Variants in PTK2 observed in about 807,000 individuals in gnomAD.
PTK2 encodes the protein focal adhesion kinase 1.
PTK2 carries 45 observed loss-of-function variants against 150.1 expected under a neutral mutation model. That is an observed-to-expected ratio of 0.30 (90% confidence interval 0.24 to 0.38). PTK2 has a LOEUF of 0.38. Ranked by LOEUF, PTK2 falls within the 10% of genes least tolerant of loss-of-function variation. The pLI is 1.00. For missense variants in PTK2, 919 were observed against 1,307.3 expected (o/e 0.70, Z 4.58); for synonymous variants, 432 against 449.2 (o/e 0.96, Z 0.48).
chr8:140,785,068 T>C (rs547195415), intron 14 of PTK2, among the ~76,000 whole-genome samples: 1 of 152,324 alleles, frequency 6.6e-6, no homozygotes, highest in South Asian at 2.1e-4. Flanking sequence ...TTCTGTTGGT[T>C]ATCCTCTCTA....
intron 24 of PTK2, 88 bp from the exon 28 acceptor site, chr8:140,702,795 G>A: frequency 1.4e-6 from 2 of 1,406,246 alleles, no homozygotes; most frequent in Non-Finnish European, 1.9e-6. Flanking sequence ...AAATTACAGA[G>A]AATATTGTGG....
intron 1 of PTK2, among the ~76,000 whole-genome samples, chr8:140,981,268 G>A (rs554028874): frequency 4.6e-5 from 7 of 152,120 alleles, no homozygotes; most frequent in Non-Finnish European, 7.4e-5. Flanking sequence ...AACAGTAACA[G>A]ATGGTGAAAA....
At chr8:140,805,537 C>CAA (rs1307086974) in intron 10 of PTK2, among the ~76,000 whole-genome samples, 1 of 132,716 alleles carries the variant, frequency 7.5e-6, no homozygotes, top group Non-Finnish European at 1.6e-5. Context: ...CTGCACAGAG[C>CAA]AAAACTCTGT....
chr8:140,797,422 TTG>T (rs2154592134), intron 12 of PTK2, among the ~76,000 whole-genome samples: 1 of 152,356 alleles, frequency 6.6e-6, no homozygotes, highest in East Asian at 1.9e-4. Flanking sequence ...AATTATGTAA[TTG>T]TGTCGCTTCA....
rs548945172 is a variant in PTK2 at position 140,740,416 on chromosome 8, G to A, written c.1736-1309C>T. On this transcript the variant is annotated intron_variant, in intron 20 of 31. Transcript: ENST00000522684. ...CCTGATTCAGAAGAGCATGGAGCAT[G>A]AGCGGCTGGGCTCTGCCAGCATGTC... Among the ~76,000 whole-genome samples, 4 of 152,308 alleles carry A rather than the reference G, an allele frequency of 2.6e-5. No individual in the cohort carries two copies. In the South Asian group the frequency reaches 8.3e-4, roughly 32 times the overall value.
intron 4 of PTK2, among the ~76,000 whole-genome samples, chr8:140,867,399 G>A (rs1052149683): frequency 2.6e-5 from 4 of 152,130 alleles, no homozygotes; most frequent in Admixed American, 2.6e-4. Flanking sequence ...TTTAGAGGTA[G>A]GCATGGGATT....
intron 12 of PTK2, among the ~76,000 whole-genome samples, chr8:140,794,819 C>T (rs1437578391): frequency 2.0e-5 from 3 of 152,182 alleles, no homozygotes; most frequent in Non-Finnish European, 4.4e-5. Context: ...ATACCACCCA[C>T]ACTTTGCAGC....
intron 1 of PTK2, among the ~76,000 whole-genome samples, chr8:140,933,046 T>G (rs1419614945): frequency 6.6e-6 from 1 of 152,120 alleles, no homozygotes; most frequent in Non-Finnish European, 1.5e-5. Context: ...AGATGGGGTT[T>G]CACCATGTTG....
At chr8:140,820,283 T>TA (rs2100107680) in intron 8 of PTK2, among the ~76,000 whole-genome samples, 1 of 151,404 alleles carries the variant, frequency 6.6e-6, no homozygotes, top group Non-Finnish European at 1.5e-5. Context: ...GTATATTTAG[T>TA]AGAGACAGGG....
intron 1 of PTK2, among the ~76,000 whole-genome samples, chr8:140,962,738 G>A (rs994073361): frequency 6.6e-6 from 1 of 151,612 alleles, no homozygotes; most frequent in African/African-American, 2.4e-5. Context: ...CTGAGATCAC[G>A]CCACTGCACC....
intron 2 of PTK2, among the ~76,000 whole-genome samples, chr8:140,899,450 A>G (rs1050748129): frequency 2.0e-5 from 3 of 152,212 alleles, no homozygotes; most frequent in African/African-American, 7.2e-5. Flanking sequence ...CATACAACCT[A>G]TCAAGATTGA....
chr8:140,912,947 A>AAAAAAAG, intron 2 of PTK2, among the ~76,000 whole-genome samples: 1 of 151,852 alleles, frequency 6.6e-6, no homozygotes, highest in Admixed American at 6.6e-5. Context: ...CTCTGTCTCA[A>AAAAAAAG]AAAAAAGAAA....
At chr8:140,890,756 G>C in exon 3 of PTK2, 1 of 1,613,906 alleles carries the variant, frequency 6.2e-7, no homozygotes, top group Non-Finnish European at 8.5e-7. Context: ...TAGATGCTAG[G>C]TATCTGTCAT....
chr8:140,826,037 T>C (rs762223504), intron 8 of PTK2, among the ~76,000 whole-genome samples: 3 of 152,202 alleles, frequency 2.0e-5, no homozygotes, highest in Non-Finnish European at 4.4e-5. Flanking sequence ...AAAACAATCT[T>C]TCAACAATTC....
intron 20 of PTK2, 47 bp from the exon 24 acceptor site, chr8:140,739,154 A>T (rs376160791): frequency 1.7e-4 from 211 of 1,258,220 alleles, no homozygotes; most frequent in Non-Finnish European, 2.2e-4. Context: ...TATCTGCTTA[A>T]GAATCTAACA....
chr8:140,770,839 C>T, intron 14 of PTK2, 40 bp from the exon 15 acceptor site: 3 of 1,032,014 alleles, frequency 2.9e-6, no homozygotes, highest in Non-Finnish European at 3.8e-6. Flanking sequence ...AAAATAGAAA[C>T]AAATTATTTC....
rs74895649 is a variant in PTK2, at chr8:140,759,301, A to G, written c.1332+1864T>C. On this transcript the variant is annotated intron_variant, in intron 16 of 31. Coordinates refer to ENST00000522684, the Ensembl canonical transcript of PTK2. Reference sequence around the variant, plus strand: ...TATAAAATGGTACAGCTGTGTTGGAAATCATTTTGGCAGTTCATCAAAAAG... The same window carrying G: ...TATAAAATGGTACAGCTGTGTTGGAGATCATTTTGGCAGTTCATCAAAAAG... 2.9e-3 allele frequency among the ~76,000 whole-genome samples: 439 copies of G among 152,200 alleles called. 3 individuals carry two copies. The highest frequency in any genetic ancestry group is 0.01 in the African/African-American group (425 of 41,532).
intron 8 of PTK2, among the ~76,000 whole-genome samples, chr8:140,827,837 A>C (rs1270231970): frequency 6.6e-6 from 1 of 152,196 alleles, no homozygotes; most frequent in Non-Finnish European, 1.5e-5. Context: ...TAGCGGAGGA[A>C]GGCAGATAAA....
chr8:140,967,613 A>C (rs1006425563), intron 1 of PTK2, among the ~76,000 whole-genome samples: 3 of 151,960 alleles, frequency 2.0e-5, no homozygotes, highest in Admixed American at 2.0e-4. Context: ...GAGGCCTGCC[A>C]CCACGCCCAG....
Sources: allele counts gnomAD v4.1 joint callset (sites outside exome capture counted in the v4.1 genomes callset), GRCh38; gene constraint gnomAD v4.1.1; transcripts MANE v1.5; gene names NCBI Gene and HGNC (gene_info 2026-07-23, HGNC 2026-07-21).